SLC12A2: variants seen among roughly 807,000 people sequenced by gnomAD.
SLC12A2 encodes the protein solute carrier family 12 member 2, also known as Na-K-2Cl cotransporter 1.
SLC12A2 carries 67 observed loss-of-function variants against 136.3 expected under a neutral mutation model. That is an observed-to-expected ratio of 0.49 (90% confidence interval 0.40 to 0.60). The LOEUF (loss-of-function observed/expected upper bound fraction) is 0.60. Ranked by LOEUF, SLC12A2 falls within the 20% of genes least tolerant of loss-of-function variation. The pLI is 0.00. For synonymous variants in SLC12A2, 619 were observed against 562.9 expected (o/e 1.10, Z -1.41); for missense variants, 1,322 against 1,534.7 (o/e 0.86, Z 2.32).
chr5:128,149,849 G>A, intron 12 of SLC12A2, 148 bp from the exon 13 acceptor site: 1 of 659,324 alleles, frequency 1.5e-6, no homozygotes, highest in Middle Eastern at 3.4e-4. Flanking sequence ...AAGTATATGA[G>A]GCATATATGG....
chr5:128,157,951 AG>A, intron 15 of SLC12A2, 101 bp from the exon 16 acceptor site: 1 of 854,310 alleles, frequency 1.2e-6, no homozygotes, highest in South Asian at 1.8e-5. Flanking sequence ...CTGTGTCTTA[AG>A]GACAGTTGTA....
rs1763928915 is a variant in SLC12A2 at position 128,188,287 on chromosome 5, T to A, written c.*1656T>A. ...GAAAATTTATGCAGGTTTTCACGAATCCTTTTTTTTTTTTTTTTTTTTTTT... is the reference window on the plus strand; with the variant it reads ...GAAAATTTATGCAGGTTTTCACGAAACCTTTTTTTTTTTTTTTTTTTTTTT... On this transcript the variant is annotated 3_prime_UTR_variant, in exon 27 of 27. Coordinates refer to ENST00000262461, the MANE Select transcript of SLC12A2 (RefSeq NM_001046.3). The A allele has an allele frequency of 7.3e-6, 1 of 136,220 alleles. No individual in the cohort carries two copies. Among genetic ancestry groups the A allele is most frequent in the Non-Finnish European group, 1.6e-5 (1 of 64,480 alleles). 8.4% of individuals were successfully genotyped at this position (136,220 alleles called of 1,614,324 possible).
intron 1 of SLC12A2, among the ~76,000 whole-genome samples, chr5:128,107,712 C>A (rs553021452): frequency 6.6e-6 from 1 of 152,146 alleles, no homozygotes; most frequent in South Asian, 2.1e-4. Context: ...TGGGTTGGAT[C>A]CAAGACTTTG....
intron 1 of SLC12A2, among the ~76,000 whole-genome samples, chr5:128,112,271 A>G (rs1364489573): frequency 6.6e-6 from 1 of 152,224 alleles, no homozygotes; most frequent in South Asian, 2.1e-4. Context: ...AAGGAAAGCA[A>G]TGAAAAGCAC....
chr5:128,147,734 G>A lies in SLC12A2; in HGVS notation c.1881+5G>A. The A allele has an allele frequency of 6.5e-7, 1 of 1,543,742 alleles. No homozygotes were observed. The highest frequency in any genetic ancestry group is 8.9e-7 in the Non-Finnish European group (1 of 1,117,546). ...AGTGCTCCCAAAATATTTCAGGTAA[G>A]TGTTTTTATATTACAGGCTTTATTA... On this transcript the variant is annotated splice_donor_5th_base_variant and intron_variant, in intron 11 of 26. Coordinates refer to ENST00000262461, the MANE Select transcript of SLC12A2 (RefSeq NM_001046.3).
At chr5:128,154,122 A>C (rs1762798966) in intron 15 of SLC12A2, among the ~76,000 whole-genome samples, 1 of 152,096 alleles carries the variant, frequency 6.6e-6, no homozygotes, top group Admixed American at 6.5e-5. Flanking sequence ...ACATTAAAAA[A>C]AATTTATTTT....
At chr5:128,184,269 G>T in intron 24 of SLC12A2, 97 bp from the exon 25 acceptor site, 1 of 749,400 alleles carries the variant, frequency 1.3e-6, no homozygotes, top group African/African-American at 1.8e-5. Flanking sequence ...ATAAATGAGA[G>T]GCACTAACTT....
At chr5:128,112,295 A>G (rs1560636) in intron 1 of SLC12A2, among the ~76,000 whole-genome samples, 47,929 of 152,108 alleles carry the variant, frequency 0.32, 9,124 homozygotes, top group African/African-American at 0.53. Flanking sequence ...GTCACTGCAG[A>G]CAAGGAATGA....
intron 11 of SLC12A2, 56 bp downstream of exon 11, chr5:128,147,785 C>T: frequency 9.5e-7 from 1 of 1,048,360 alleles, no homozygotes; most frequent in Non-Finnish European, 1.5e-6. Context: ...TAATACTTCT[C>T]AATTTAGAAT....
In SLC12A2 at chr5:128,180,929, G is replaced by A; in HGVS notation, c.3147G>A (p.Trp1049Ter). 6.2e-7 allele frequency: 1 copy of A among 1,612,592 alleles called. No individual in the cohort carries two copies. ...ACCTTCTGACGACCAAGAAAAAATG[G>A]AAAGACTGTAAGATCAGAGTATTCA... ...IPYLLTTKKKWKDCKIRVFIG... is the reference protein window; with the variant it reads ...IPYLLTTKKK The change falls in exon 23 of 27, where the codon TGG becomes TGA. Residue 1049 changes from tryptophan (W) to a stop codon, truncating the protein, a stop_gained. Coordinates refer to ENST00000262461, the MANE Select transcript of SLC12A2 (RefSeq NM_001046.3). LOFTEE classifies it high-confidence loss of function.
At chr5:128,158,854 C>T (rs1762945384) in intron 16 of SLC12A2, among the ~76,000 whole-genome samples, 1 of 140,250 alleles carries the variant, frequency 7.1e-6, no homozygotes, top group Non-Finnish European at 1.5e-5. Flanking sequence ...TGCAACCTCA[C>T]CAGCATCTGT....
intron 17 of SLC12A2, among the ~76,000 whole-genome samples, chr5:128,166,391 T>G (rs375728286): frequency 7.5e-4 from 114 of 152,198 alleles, no homozygotes; most frequent in Middle Eastern, 3.4e-3. Context: ...AAATATTCGT[T>G]GCTGTTTTAT....
At chr5:128,176,448 A>G (rs928415403) in intron 20 of SLC12A2, among the ~76,000 whole-genome samples, 2 of 152,024 alleles carry the variant, frequency 1.3e-5, no homozygotes, top group Non-Finnish European at 2.9e-5. Context: ...TAAGGGAACA[A>G]AATGAGATTA....
Position 128,152,710 on chromosome 5 carries a change from G to T in SLC12A2, c.2268G>T (p.Val756=), listed in dbSNP as rs1235661412. The T allele has an allele frequency of 3.1e-6, 5 of 1,603,548 alleles. No individual in the cohort carries two copies. The highest frequency in any genetic ancestry group is 4.3e-6 in the Non-Finnish European group (5 of 1,170,556). The change falls in exon 15 of 27, where the codon GTG becomes GTT. Residue 756 remains valine (V), a synonymous_variant. Coordinates refer to ENST00000262461, the MANE Select transcript of SLC12A2 (RefSeq NM_001046.3). The part of the protein sequence containing the change: ...YIYVTYKKPD[V]NWGSSTQALT... ...ATGAACATTATCTTCCCACAGATGTGAATTGGGGATCCTCTACACAAGCCC... is the reference window on the plus strand; with the variant it reads ...ATGAACATTATCTTCCCACAGATGTTAATTGGGGATCCTCTACACAAGCCC...
chr5:128,091,443 TAAA>T (rs1760314232), intron 1 of SLC12A2, among the ~76,000 whole-genome samples: 1 of 152,116 alleles, frequency 6.6e-6, no homozygotes, highest in Admixed American at 6.6e-5. Context: ...GCTCTTCAGG[TAAA>T]ACCATGAAAA....
At position 128,182,878 on chromosome 5, in the gene SLC12A2, TC is replaced by T; in HGVS notation, c.3238del (p.Arg1080GlyfsTer2). Reference protein sequence around the residue: ...RRAMATLLSKFRIDFSDIMVL... With the variant: ...RRAMATLLSKXRIDFSDIMVL... The stretch of plus-strand genomic sequence containing the variant: ...AGGATGGCTACTTTGCTTAGCAAGT[TC>T]CGGATAGACTTTTCTGATATCATGG... On this transcript the variant is annotated frameshift_variant, in exon 24 of 27. Transcript: ENST00000262461. LOFTEE classifies it high-confidence loss of function. 1 of 1,611,666 alleles carries T rather than the reference TC, an allele frequency of 6.2e-7. No individual in the cohort carries two copies. Among genetic ancestry groups the T allele is most frequent in the Non-Finnish European group, 8.5e-7 (1 of 1,178,458 alleles).
At chr5:128,120,354 A>T in intron 4 of SLC12A2, among the ~76,000 whole-genome samples, 1 of 146,808 alleles carries the variant, frequency 6.8e-6, no homozygotes. Flanking sequence ...CCATCCCATT[A>T]CTGGGTATAT....
Position 128,169,033 on chromosome 5 carries a change from T to C in SLC12A2, c.2723+1166T>C, listed in dbSNP as rs538776065. 1.1e-4 allele frequency: 17 copies of C among 152,306 alleles called. No homozygotes were observed. The South Asian group carries it at 3.5e-3, about 32-fold the overall frequency. The allele number at this position is 152,306 out of a possible 1,614,324, so 9.4% of individuals were successfully genotyped here. On this transcript the variant is annotated intron_variant, in intron 18 of 26. Transcript: ENST00000262461. The stretch of plus-strand genomic sequence containing the variant: ...AATAACAATAAAACTTTTTTTTTGT[T>C]TTTGCCAGATTTTCTTCTTAATCTT...
chr5:128,187,809 T>C lies in SLC12A2; in HGVS notation c.*1178T>C, dbSNP rs1471835141. 6.6e-6 allele frequency: 1 copy of C among 152,634 alleles called. No individual in the cohort carries two copies. The highest frequency in any genetic ancestry group is 2.4e-5 in the African/African-American group (1 of 41,444). The allele number at this position is 152,634 out of a possible 1,614,324, so 9.5% of individuals were successfully genotyped here. On this transcript the variant is annotated 3_prime_UTR_variant, in exon 27 of 27. Transcript: ENST00000262461. ...TAAGAAAAACTGCCAGTTTGTGCTT[T>C]TGAAATGTCTGTTTTGACATCATAG...
Sources: gnomAD v4.1 joint callset for allele counts (sites outside exome capture counted in the v4.1 genomes callset) on GRCh38, gnomAD v4.1.1 for gene constraint, MANE v1.5 for transcripts, NCBI Gene and HGNC (gene_info 2026-07-23, HGNC 2026-07-21) for gene names.